The following TRPM1 variants were observed in gnomAD, a reference collection of about 807,000 sequenced individuals.
TRPM1 encodes the protein TRPM1-203 APA Isoform, Intron 10.
A neutral mutation model predicts 149.4 loss-of-function variants in TRPM1; 113 were observed. That is an observed-to-expected ratio of 0.76 (90% CI 0.65 to 0.88). The LOEUF is 0.88. Among genes scored for constraint, TRPM1 ranks in the 40% least tolerant of loss-of-function variants. The probability of loss-of-function intolerance (pLI) is 0.00; values close to 1 mark genes in which losing one functional copy is unlikely to be tolerated. For missense variants in TRPM1, 1,976 were observed against 2,038.7 expected, an observed-to-expected ratio of 0.97 and a Z score of 0.59; for synonymous variants, 741 against 759.5, an observed-to-expected ratio of 0.98 and a Z score of 0.40.
At chr15:31,063,819 G>A (rs1229648569) in intron 7 of TRPM1, among the ~76,000 whole-genome samples, 1 of 152,170 alleles carries the variant, frequency 6.6e-6, no homozygotes, top group East Asian at 1.9e-4. Flanking sequence ...CTCAAAGTCT[G>A]AAACTTTCTG....
chr15:31,087,692 G>A (rs2035041633), intron 1 of TRPM1, among the ~76,000 whole-genome samples: 1 of 152,172 alleles, frequency 6.6e-6, no homozygotes, highest in African/African-American at 2.4e-5. Context: ...TGATTCAGCA[G>A]GAAGGGCATT....
chr15:31,155,096 C>A (rs74657369), intron 1 of TRPM1, among the ~76,000 whole-genome samples: 2,022 of 152,302 alleles, frequency 0.013, 44 homozygotes, highest in African/African-American at 0.046. Context: ...TTACAAATTT[C>A]CATGTGGAAT....
chr15:31,147,858 G>A (rs1433119887), intron 1 of TRPM1, among the ~76,000 whole-genome samples: 1 of 152,160 alleles, frequency 6.6e-6, no homozygotes, highest in Admixed American at 6.6e-5. Context: ...AGGGGTCCAG[G>A]TCCCCAGGGA....
intron 7 of TRPM1, 128 bp from the exon 8 acceptor site, chr15:31,063,420 G>A: frequency 8.5e-7 from 1 of 1,180,738 alleles, no homozygotes; most frequent in Admixed American, 1.8e-5. Flanking sequence ...TGGCTGGAAG[G>A]AATTCAGGCA....
At chr15:31,053,884 A>G (rs1403835016) in intron 11 of TRPM1, among the ~76,000 whole-genome samples, 1 of 152,262 alleles carries the variant, frequency 6.6e-6, no homozygotes, top group East Asian at 1.9e-4. Context: ...TATCCATATA[A>G]TGGAATATTA....
At chr15:31,100,048 ATTCT>A (rs2035478282) in intron 1 of TRPM1, among the ~76,000 whole-genome samples, 1 of 151,424 alleles carries the variant, frequency 6.6e-6, no homozygotes, top group South Asian at 2.1e-4. Flanking sequence ...TTATGCAAAT[ATTCT>A]TTCTTTGTTT....
intron 11 of TRPM1, among the ~76,000 whole-genome samples, chr15:31,051,790 T>A (rs759270055): frequency 1.8e-4 from 28 of 152,194 alleles, no homozygotes; most frequent in Non-Finnish European, 4.0e-4. Context: ...CTGCTCAGCA[T>A]CCTGCTTGCA....
At chr15:31,011,517 A>T (rs543913269) in intron 27 of TRPM1, among the ~76,000 whole-genome samples, 2 of 152,050 alleles carry the variant, frequency 1.3e-5, no homozygotes, top group South Asian at 4.2e-4. Flanking sequence ...TAACCTCTTG[A>T]GTGGCTGGGA....
chr15:31,151,409 G>T (rs1293470000), intron 1 of TRPM1, among the ~76,000 whole-genome samples: 1 of 152,156 alleles, frequency 6.6e-6, no homozygotes, highest in Non-Finnish European at 1.5e-5. Context: ...AGTTCACAGG[G>T]CTGCCTTCTG....
Position 31,082,924 on chromosome 15 carries a change from A to C in TRPM1, c.-83-1486T>G, listed in dbSNP as rs572706496. 4.9e-4 allele frequency among the ~76,000 whole-genome samples: 75 copies of C among 152,178 alleles called. 1 individual carries two copies. The highest frequency in any genetic ancestry group is 1.7e-3 in the African/African-American group (71 of 41,520). ...GGGAGCTGGAGTGGAATGAAGGGTC[A>C]TGGGGGGCTTTAACAATGTGACCTT... is the stretch of plus-strand genomic sequence containing the variant. On this transcript the variant is annotated intron_variant, in intron 1 of 27. Coordinates refer to ENST00000256552, the MANE Select transcript of TRPM1 (RefSeq NM_001252024.2).
rs184137072 is a variant in TRPM1 at position 31,016,960 on chromosome 15, C to T, written c.3629+9179G>A. On this transcript the variant is annotated intron_variant, in intron 27 of 27. Coordinates refer to ENST00000256552, the MANE Select transcript of TRPM1 (RefSeq NM_001252024.2). Reference sequence around the variant, plus strand: ...TGCCCTAATCAGTCTCAAAACCTGGCGTACACACACACACACACACACACA... The same window carrying T: ...TGCCCTAATCAGTCTCAAAACCTGGTGTACACACACACACACACACACACA... 1.9e-3 allele frequency among the ~76,000 whole-genome samples: 195 copies of T among 104,546 alleles called. 2 individuals carry two copies. The highest frequency in any genetic ancestry group is 9.3e-4 in the Non-Finnish European group (46 of 49,248). The allele number at this position is 104,546 out of a possible 152,430, so 68.6% of individuals were successfully genotyped here.
chr15:31,005,188 CA>C (rs1000785723), intron 27 of TRPM1, among the ~76,000 whole-genome samples: 3 of 151,576 alleles, frequency 2.0e-5, no homozygotes, highest in East Asian at 3.8e-4. Context: ...CCTTTTGTAT[CA>C]AAAAAAACCC....
intron 1 of TRPM1, among the ~76,000 whole-genome samples, chr15:31,145,980 A>G (rs2141056513): frequency 6.6e-6 from 1 of 152,168 alleles, no homozygotes; most frequent in East Asian, 1.9e-4. Flanking sequence ...AAAGTTTACG[A>G]TTTTGATTTG....
intron 23 of TRPM1, 48 bp from the exon 24 acceptor site, chr15:31,029,439 A>G: frequency 6.3e-7 from 1 of 1,591,524 alleles, no homozygotes; most frequent in Non-Finnish European, 8.6e-7. Flanking sequence ...TTGTTTTGAC[A>G]GGAGGGGAGG....
chr15:31,087,132 T>G (rs2035022905), intron 1 of TRPM1, among the ~76,000 whole-genome samples: 1 of 149,550 alleles, frequency 6.7e-6, no homozygotes, highest in African/African-American at 2.5e-5. Context: ...GGCAGGAATG[T>G]AAAAGAGTAC....
Position 31,022,965 on chromosome 15 carries a change from T to A in TRPM1, c.3629+3174A>T, listed in dbSNP as rs543408216. Reference sequence around the variant, plus strand: ...TGAGTCCAGGAGGTTGAGGCTGTGGTGAGACCTGATTGTGCCACTGCACTG... The same window carrying A: ...TGAGTCCAGGAGGTTGAGGCTGTGGAGAGACCTGATTGTGCCACTGCACTG... On this transcript the variant is annotated intron_variant, in intron 27 of 27. Coordinates refer to ENST00000256552, the MANE Select transcript of TRPM1 (RefSeq NM_001252024.2). 3.6e-3 allele frequency among the ~76,000 whole-genome samples: 541 copies of A among 152,330 alleles called. 4 individuals are homozygous for A. Among genetic ancestry groups the A allele is most frequent in the African/African-American group, 0.012 (518 of 41,570 alleles).
chr15:31,090,016 T>C (rs909788512), intron 1 of TRPM1, among the ~76,000 whole-genome samples: 1 of 152,168 alleles, frequency 6.6e-6, no homozygotes, highest in Non-Finnish European at 1.5e-5. Flanking sequence ...CCTAAACTAG[T>C]ATGTGCTCAA....
chr15:31,063,430 A>C (rs1176333645), intron 7 of TRPM1, 138 bp from the exon 8 acceptor site: 1 of 1,064,376 alleles, frequency 9.4e-7, no homozygotes, highest in African/African-American at 1.6e-5. Context: ...GAATTCAGGC[A>C]TGTGATAACA....
intron 1 of TRPM1, among the ~76,000 whole-genome samples, chr15:31,141,047 G>C (rs976299867): frequency 6.6e-6 from 1 of 151,306 alleles, no homozygotes; most frequent in Non-Finnish European, 1.5e-5. Context: ...GGCCGGGCTA[G>C]CCTGGAACTC....
Sources: allele counts gnomAD v4.1 joint callset (sites outside exome capture counted in the v4.1 genomes callset), GRCh38; gene constraint gnomAD v4.1.1; transcripts MANE v1.5; gene names NCBI Gene and HGNC (gene_info 2026-07-23, HGNC 2026-07-21).